Variants in CNTN5 observed in about 807,000 individuals in gnomAD.
The protein encoded by CNTN5 is contactin 5.
CNTN5 carries 77 observed loss-of-function variants against 129.1 expected under a neutral mutation model. The ratio of observed to expected loss-of-function variants is 0.60; its 90% confidence interval spans 0.50 to 0.72. CNTN5 has a LOEUF of 0.72. Ranked by LOEUF, CNTN5 falls within the 30% of genes least tolerant of loss-of-function variation. The probability of loss-of-function intolerance (pLI) is 0.00; values close to 1 mark genes in which losing one functional copy is unlikely to be tolerated. For missense variants in CNTN5, 1,478 were observed against 1,328.8 expected (o/e 1.11, Z -1.75); for synonymous variants, 509 against 465.6 (o/e 1.09, Z -1.20).
chr11:99,616,812 A>C, intron 3 of CNTN5, among the ~76,000 whole-genome samples: 1 of 151,002 alleles, frequency 6.6e-6, no homozygotes, highest in African/African-American at 2.4e-5. Context: ...TAGGTCCTTT[A>C]AAAAACTGTC....
At chr11:99,567,248 TG>T (rs1264954275) in intron 3 of CNTN5, among the ~76,000 whole-genome samples, 1 of 152,214 alleles carries the variant, frequency 6.6e-6, no homozygotes, top group Non-Finnish European at 1.5e-5. Flanking sequence ...ATCTAATTCC[TG>T]GAGCCACAGT....
chr11:99,591,314 C>A (rs1009328417), intron 3 of CNTN5, among the ~76,000 whole-genome samples: 10 of 139,396 alleles, frequency 7.2e-5, no homozygotes, highest in South Asian at 2.4e-4. Context: ...TTAGAGTACT[C>A]TTTTTACATG....
At chr11:99,296,894 T>C (rs1323710068) in intron 1 of CNTN5, among the ~76,000 whole-genome samples, 1 of 152,094 alleles carries the variant, frequency 6.6e-6, no homozygotes, top group Non-Finnish European at 1.5e-5. Flanking sequence ...AAAGGAAAAT[T>C]TAAGATAGTG....
At chr11:100,330,376 G>A (rs960425920) in intron 21 of CNTN5, among the ~76,000 whole-genome samples, 2 of 152,124 alleles carry the variant, frequency 1.3e-5, no homozygotes, top group African/African-American at 4.8e-5. Flanking sequence ...TGAAGAAGAA[G>A]AGAAATCTAA....
At chr11:99,599,017 T>A (rs78228928) in intron 3 of CNTN5, among the ~76,000 whole-genome samples, 13,072 of 152,132 alleles carry the variant, frequency 0.086, 681 homozygotes, top group Non-Finnish European at 0.11. Context: ...GAGCTAACAT[T>A]TAAGAAAATC....
At chr11:100,267,286 G>C (rs113467306) in intron 17 of CNTN5, among the ~76,000 whole-genome samples, 4,223 of 88,300 alleles carry the variant, frequency 0.048, 194 homozygotes, top group African/African-American at 0.13. Flanking sequence ...CACACAGAGA[G>C]AGAGAGAAAG....
chr11:99,122,086 A>T, intron 1 of CNTN5, among the ~76,000 whole-genome samples: 1 of 152,018 alleles, frequency 6.6e-6, no homozygotes. Context: ...TGCACCCATT[A>T]ACTAGTCATT....
At chr11:99,286,017 G>A (rs1444578777) in intron 1 of CNTN5, among the ~76,000 whole-genome samples, 5 of 117,506 alleles carry the variant, frequency 4.3e-5, no homozygotes, top group Admixed American at 2.2e-4. Context: ...CAGCCTGAGC[G>A]ACAGAGCAAG....
intron 18 of CNTN5, among the ~76,000 whole-genome samples, chr11:100,285,837 T>G (rs979639560): frequency 1.3e-5 from 2 of 152,184 alleles, no homozygotes; most frequent in Non-Finnish European, 2.9e-5. Flanking sequence ...CATTTCCATC[T>G]GAGGTACCGG....
chr11:99,668,144 T>C (rs1292944540), intron 3 of CNTN5, among the ~76,000 whole-genome samples: 1 of 152,126 alleles, frequency 6.6e-6, no homozygotes, highest in African/African-American at 2.4e-5. Flanking sequence ...TTGAATGTTA[T>C]TGCCACTTCA....
chr11:99,896,895 C>T (rs988108459), intron 6 of CNTN5, among the ~76,000 whole-genome samples: 1 of 152,066 alleles, frequency 6.6e-6, no homozygotes, highest in African/African-American at 2.4e-5. Flanking sequence ...ACCCAGAGCC[C>T]TGTTAAAAAC....
chr11:99,974,529 C>G (rs1937805324), intron 8 of CNTN5, among the ~76,000 whole-genome samples: 1 of 152,078 alleles, frequency 6.6e-6, no homozygotes, highest in Admixed American at 6.5e-5. Flanking sequence ...TTAGTTCCTG[C>G]CCAGTTTCAT....
chr11:99,425,852 C>G (rs886790388), intron 2 of CNTN5, among the ~76,000 whole-genome samples: 6 of 152,224 alleles, frequency 3.9e-5, no homozygotes, highest in Non-Finnish European at 8.8e-5. Flanking sequence ...ATAGCCCTGG[C>G]TACTCCTCCC....
At chr11:99,374,026 G>A (rs1940000567) in intron 2 of CNTN5, among the ~76,000 whole-genome samples, 1 of 152,088 alleles carries the variant, frequency 6.6e-6, no homozygotes, top group African/African-American at 2.4e-5. Flanking sequence ...CCAGAAGCAT[G>A]AAAAAGTAAT....
intron 1 of CNTN5, among the ~76,000 whole-genome samples, chr11:99,115,122 CTG>C (rs1033433691): frequency 2.6e-5 from 4 of 152,122 alleles, no homozygotes; most frequent in African/African-American, 9.7e-5. Context: ...GCCTCCCAAA[CTG>C]TGAGAAATAA....
chr11:100,355,085 C>T (rs191533423), intron 24 of CNTN5, among the ~76,000 whole-genome samples: 2 of 151,678 alleles, frequency 1.3e-5, no homozygotes, highest in Admixed American at 6.6e-5. Context: ...AACTGTTTTA[C>T]TTTATAAACT....
At chr11:100,227,175 T>A (rs778043378) in intron 16 of CNTN5, among the ~76,000 whole-genome samples, 1 of 152,188 alleles carries the variant, frequency 6.6e-6, no homozygotes, top group Non-Finnish European at 1.5e-5. Context: ...ATTATGTTCT[T>A]ATGATTCTAT....
Position 100,335,606 on chromosome 11 carries a change from A to C in CNTN5, c.2731-4857A>C, listed in dbSNP as rs1398861617. Among the ~76,000 whole-genome samples the C allele has an allele frequency of 3.3e-5, 5 of 152,132 alleles. No individual in the cohort carries two copies. The East Asian group carries it at 9.6e-4, about 29-fold the overall frequency. On this transcript the variant is annotated intron_variant, in intron 21 of 24. Coordinates refer to ENST00000524871, the MANE Select transcript of CNTN5 (RefSeq NM_014361.4). ...AACATGGTGAAACCTCGTCTCTATT[A>C]AAAATACAAAAATTAGCCAGGCGTG...
chr11:99,937,174 G>A (rs959089185), intron 7 of CNTN5, among the ~76,000 whole-genome samples: 3 of 152,202 alleles, frequency 2.0e-5, no homozygotes, highest in African/African-American at 7.2e-5. Context: ...GTTAAGCAGA[G>A]TTCTTTAGAG....
Sources: allele counts gnomAD v4.1 joint callset (sites outside exome capture counted in the v4.1 genomes callset), GRCh38; gene constraint gnomAD v4.1.1; transcripts MANE v1.5; gene names NCBI Gene and HGNC (gene_info 2026-07-23, HGNC 2026-07-21).